The following CATSPERG variants were observed in gnomAD, a reference collection of about 807,000 sequenced individuals.
CATSPERG encodes the protein catsper channel auxiliary subunit gamma.
A neutral mutation model predicts 145.0 loss-of-function variants in CATSPERG; 115 were observed. The observed-to-expected ratio is 0.79, with a 90% CI of 0.68 to 0.93. The LOEUF is 0.93. Among genes scored for constraint, CATSPERG ranks in the 40% least tolerant of loss-of-function variants. The pLI, the probability that CATSPERG is intolerant of heterozygous loss-of-function variation, is 0.00. For synonymous variants in CATSPERG, 588 were observed against 589.0 expected (o/e 1.00, Z 0.02); for missense variants, 1,296 against 1,490.1 (o/e 0.87, Z 2.14).
chr19:38,347,504 A>G (rs1183939676), intron 7 of CATSPERG, among the ~76,000 whole-genome samples: 2 of 152,244 alleles, frequency 1.3e-5, no homozygotes, highest in African/African-American at 4.8e-5. Context: ...CCTATTAGGC[A>G]TTGAGAGCCT....
intron 3 of CATSPERG, among the ~76,000 whole-genome samples, chr19:38,339,503 C>T (rs747608824): frequency 5.3e-5 from 8 of 152,162 alleles, no homozygotes; most frequent in African/African-American, 1.4e-4. Flanking sequence ...AACACTCTGT[C>T]GCCCAGGCTG....
At chr19:38,343,523 CA>C in intron 3 of CATSPERG, 56 bp from the exon 4 acceptor site, 12 of 1,470,812 alleles carry the variant, frequency 8.2e-6, no homozygotes, top group South Asian at 2.7e-5. Context: ...GGGCTTAAGG[CA>C]GGGGGCACCC....
In CATSPERG at chr19:38,370,937, T is replaced by A. The variant is rs1434306621; in HGVS notation, c.*145T>A. ...CGTTCAGACTCAAATAAAGCCTTTT[T>A]TCAGGACCAGCAGTGGGCTCTCTTA... On this transcript the variant is annotated 3_prime_UTR_variant, in exon 29 of 29. Coordinates refer to ENST00000409235, the MANE Select transcript of CATSPERG (RefSeq NM_021185.5). 2.3e-6 allele frequency: 2 copies of A among 851,236 alleles called. No homozygotes were observed. Among genetic ancestry groups the A allele is most frequent in the East Asian group, 2.6e-5 (1 of 38,884 alleles). The allele number at this position is 851,236 out of a possible 1,614,324, so 52.7% of individuals were successfully genotyped here.
Position 38,360,920 on chromosome 19 carries a change from G to C in CATSPERG, c.1880+77G>C, listed in dbSNP as rs140524820. On this transcript the variant is annotated intron_variant, in intron 16 of 28. Transcript: ENST00000409235. ...TCCTGAAGCTACCATTCTTGAGAGA[G>C]GGGAGACCGAGCTAACCCCAGTGAA... 1,277 of 1,243,346 alleles carry C rather than the reference G, an allele frequency of 1.0e-3. 8 individuals are homozygous for C. The African/African-American group carries it at 0.015, about 15-fold the overall frequency. The allele number at this position is 1,243,346 out of a possible 1,614,324, so 77.0% of individuals were successfully genotyped here.
At chr19:38,368,942 C>T (rs923642935) in intron 26 of CATSPERG, among the ~76,000 whole-genome samples, 6 of 152,188 alleles carry the variant, frequency 3.9e-5, no homozygotes, top group African/African-American at 1.4e-4. Flanking sequence ...GGATTACAGG[C>T]ACATGCCACC....
At position 38,352,684 on chromosome 19, in the gene CATSPERG, C is replaced by T. The variant is rs1600461936; in HGVS notation, c.997+252C>T. On this transcript the variant is annotated intron_variant, in intron 8 of 28. Transcript: ENST00000409235. Reference sequence around the variant, plus strand: ...TGAGCAGCTGTGAGAAGAGGGGGTGCGAGAGTAAAGGGAGGTAGAGAGAGG... The same window carrying T: ...TGAGCAGCTGTGAGAAGAGGGGGTGTGAGAGTAAAGGGAGGTAGAGAGAGG... Among the ~76,000 whole-genome samples the T allele has an allele frequency of 3.2e-5, 4 of 126,304 alleles. No individual in the cohort carries two copies. In the South Asian group the frequency reaches 8.3e-4, roughly 26 times the overall value. The allele number at this position is 126,304 out of a possible 152,430, so 82.9% of individuals were successfully genotyped here. A position where few individuals can be genotyped will look rare whatever the true frequency, so the allele number is the denominator to read the frequency against.
chr19:38,362,871 G>GTTTT lies in CATSPERG; in HGVS notation c.2475+60_2475+63dup, dbSNP rs553363428. 1.1e-3 allele frequency: 490 copies of GTTTT among 451,888 alleles called. 5 individuals carry two copies. Among genetic ancestry groups the GTTTT allele is most frequent in the Admixed American group, 1.7e-3 (45 of 26,068 alleles). The allele number at this position is 451,888 out of a possible 1,614,324, so 28.0% of individuals were successfully genotyped here. ...GGGAGTTGGGATCAAGGGAGGTTTT[G>GTTTT]TTTTTTTTTTTTTTTTTTTTTTTTG... On this transcript the variant is annotated intron_variant, in intron 20 of 28. Coordinates refer to ENST00000409235, the MANE Select transcript of CATSPERG (RefSeq NM_021185.5).
chr19:38,352,314 C>A lies in CATSPERG; in HGVS notation c.879C>A (p.Phe293Leu). ...CCTTCTACTGCCCCCATTCTGGCTT[C>A]ACAGCCACCATCTATGACACTATTG... The part of the protein sequence containing the change: ...VGSFYCPHSG[F>L]TATIYDTIAT... Residue 293 changes from phenylalanine (F) to leucine (L), a missense_variant, in exon 8 of 29, where the codon TTC (phenylalanine) becomes TTA (leucine). Transcript: ENST00000409235. 6.4e-7 allele frequency: 1 copy of A among 1,551,730 alleles called. No homozygotes were observed.
chr19:38,341,600 C>CA (rs554254807), intron 3 of CATSPERG, among the ~76,000 whole-genome samples: 449 of 151,842 alleles, frequency 3.0e-3, no homozygotes, highest in Non-Finnish European at 3.6e-3. Context: ...CCTGTCTCTA[C>CA]AAAAAAAATC....
intron 14 of CATSPERG, 30 bp from the exon 15 acceptor site, chr19:38,360,459 C>G: frequency 6.2e-7 from 1 of 1,611,546 alleles, no homozygotes; most frequent in Non-Finnish European, 8.5e-7. Flanking sequence ...ATGGTCCTGA[C>G]ACACACACAT....
chr19:38,366,904 G>C, intron 22 of CATSPERG: 1 of 497,940 alleles, frequency 2.0e-6, no homozygotes, highest in Non-Finnish European at 3.6e-6. Flanking sequence ...GTGCTGGCCA[G>C]GCTAGTCTCG....
At chr19:38,349,657 T>G (rs1219863876) in intron 7 of CATSPERG, 2 of 152,852 alleles carry the variant, frequency 1.3e-5, no homozygotes, top group East Asian at 3.9e-4. Flanking sequence ...TTTTTGTTTG[T>G]TTGTTTGTTT....
chr19:38,360,564 T>G lies in CATSPERG; in HGVS notation c.1684T>G (p.Leu562Val). 3 of 1,614,178 alleles carry G rather than the reference T, an allele frequency of 1.9e-6. No homozygotes were observed. Among genetic ancestry groups the G allele is most frequent in the Non-Finnish European group, 2.5e-6 (3 of 1,180,018 alleles). ...PSKGWQVHISLKLMQQSSLYA... is the reference protein window; with the variant it reads ...PSKGWQVHISVKLMQQSSLYA... Reference sequence around the variant, plus strand: ...CAAGGGCTGGCAGGTGCACATCAGCTTAAAGCTGATGCAACAGTCCTCTCT... The same window carrying G: ...CAAGGGCTGGCAGGTGCACATCAGCGTAAAGCTGATGCAACAGTCCTCTCT... Residue 562 changes from leucine (L) to valine (V), a missense_variant, in exon 15 of 29, where the codon TTA becomes GTA. Leu to Val is a conservative substitution (Grantham distance 32). Transcript: ENST00000409235.
intron 28 of CATSPERG, 29 bp downstream of exon 28, chr19:38,370,287 T>A (rs775307027): frequency 1.3e-5 from 20 of 1,597,188 alleles, no homozygotes; most frequent in Non-Finnish European, 8.6e-7. Flanking sequence ...GCTGCCCTAC[T>A]GGGTGGGCAG....
In CATSPERG at chr19:38,370,197, C is replaced by A. The variant is rs1970522013; in HGVS notation, c.3152C>A (p.Thr1051Asn). The change falls in exon 28 of 29, where the codon ACC becomes AAC. Residue 1051 changes from threonine to asparagine, a missense_variant. Transcript: ENST00000409235. ...DTSTYCNYQL[T>N]FLLHIHGLPL... ...AGCACCTACTGCAACTACCAGCTCA[C>A]CTTCCTGCTGCACATCCACGGGCTG... 3 of 1,613,828 alleles carry A rather than the reference C, an allele frequency of 1.9e-6. No individual in the cohort carries two copies. In the African/African-American group the frequency reaches 4.0e-5, roughly 22 times the overall value.
At chr19:38,340,474 C>A (rs1377587354) in intron 3 of CATSPERG, among the ~76,000 whole-genome samples, 2 of 151,458 alleles carry the variant, frequency 1.3e-5, no homozygotes, top group Non-Finnish European at 2.9e-5. Flanking sequence ...ATGTGCGCCA[C>A]CACGCCCGGC....
At chr19:38,350,595 T>G (rs995990827) in intron 7 of CATSPERG, among the ~76,000 whole-genome samples, 3 of 152,048 alleles carry the variant, frequency 2.0e-5, no homozygotes, top group Admixed American at 2.0e-4. Context: ...GCCAGGCTGG[T>G]TTTGAACTCC....
chr19:38,361,141 A>C (rs562337700), intron 16 of CATSPERG, among the ~76,000 whole-genome samples: 1 of 152,300 alleles, frequency 6.6e-6, no homozygotes, highest in African/African-American at 2.4e-5. Flanking sequence ...CCACCTGTGC[A>C]GAGGCCCTGA....
intron 25 of CATSPERG, 117 bp from the exon 26 acceptor site, chr19:38,367,931 C>T: frequency 3.5e-6 from 4 of 1,150,806 alleles, no homozygotes; most frequent in Non-Finnish European, 5.2e-6. Flanking sequence ...CTCCTGCCCG[C>T]CCCTAACACC....
Sources: gnomAD v4.1 joint callset for allele counts (sites outside exome capture counted in the v4.1 genomes callset) on GRCh38, gnomAD v4.1.1 for gene constraint, MANE v1.5 for transcripts, NCBI Gene and HGNC (gene_info 2026-07-23, HGNC 2026-07-21) for gene names.